PASD1: variants seen among roughly 807,000 people sequenced by gnomAD.
PASD1 encodes PAS domain containing repressor 1, also known as circadian clock protein PASD1.
In PASD1, 13 loss-of-function variants were observed where a neutral mutation model predicts 58.8. The observed-to-expected ratio is 0.22, with a 90% CI of 0.14 to 0.35. The LOEUF (loss-of-function observed/expected upper bound fraction) is 0.35. Ranked by LOEUF, PASD1 falls within the 10% of genes least tolerant of loss-of-function variation. PASD1 has a pLI of 1.00. For missense variants in PASD1, 734 were observed against 568.3 expected, an observed-to-expected ratio of 1.29 and a Z score of -2.96; for synonymous variants, 236 against 216.7, an observed-to-expected ratio of 1.09 and a Z score of -0.78.
intron 8 of PASD1, among the ~76,000 whole-genome samples, chrX:151,631,372 G>A (rs1359422496): frequency 2.7e-5 from 3 of 111,329 alleles, no homozygotes; most frequent in Non-Finnish European, 5.7e-5. Context: ...AGCTGTGGCC[G>A]GTATGTGATT....
At chrX:151,580,837 A>G (rs1304099085) in intron 1 of PASD1, among the ~76,000 whole-genome samples, 1 of 111,034 alleles carries the variant, frequency 9.0e-6, no homozygotes, top group Admixed American at 9.7e-5. Flanking sequence ...TTATTCTTTA[A>G]TGTCTTTCAC....
intron 9 of PASD1, among the ~76,000 whole-genome samples, chrX:151,657,262 G>A (rs878966264): frequency 8.9e-6 from 1 of 111,947 alleles, no homozygotes; most frequent in Non-Finnish European, 1.9e-5. Context: ...CTGTTTGCCA[G>A]TATTTTATTG....
chrX:151,650,566 A>G (rs1231868404), intron 9 of PASD1, among the ~76,000 whole-genome samples: 2 of 111,564 alleles, frequency 1.8e-5, no homozygotes, highest in Non-Finnish European at 1.9e-5. Flanking sequence ...ATTTTTTTCA[A>G]CAGTCACATT....
At position 151,604,706 on chromosome X, in the gene PASD1, A is replaced by G. The variant is rs372329873; in HGVS notation, c.89A>G (p.Tyr30Cys). Residue 30 changes from tyrosine to cysteine, a missense_variant, in exon 3 of 16, where the codon TAT becomes TGT. Transcript: ENST00000370357. The stretch of plus-strand genomic sequence containing the variant: ...AACTGGATTCCATCATTTCCTACCT[A>G]TGATTACTTCAACCAAGTGACGCTA... ...KLNWIPSFPT[Y>C]DYFNQVTLQL... is the part of the protein sequence containing the mutation. The G allele has an allele frequency of 7.5e-6, 9 of 1,206,856 alleles. No individual in the cohort carries two copies. In the African/African-American group the frequency reaches 8.7e-5, roughly 12 times the overall value.
chrX:151,636,221 C>T (rs760907725), intron 8 of PASD1, among the ~76,000 whole-genome samples: 4 of 111,073 alleles, frequency 3.6e-5, no homozygotes, highest in African/African-American at 9.8e-5. Flanking sequence ...ATAAGTTGTA[C>T]GTATCAGTAG....
In PASD1 at chrX:151,676,130, A is replaced by G; in HGVS notation, c.2309A>G (p.Asn770Ser). 1 of 1,209,354 alleles carries G rather than the reference A, an allele frequency of 8.3e-7. No individual in the cohort carries two copies. The highest frequency in any genetic ancestry group is 1.1e-6 in the Non-Finnish European group (1 of 894,642). The change falls in exon 16 of 16, where the codon AAT (asparagine) becomes AGT (serine). Residue 770 changes from asparagine (N) to serine (S), a missense_variant. Asn to Ser is a conservative substitution (Grantham distance 46). Coordinates refer to ENST00000370357, the MANE Select transcript of PASD1 (RefSeq NM_173493.3). ...RLMPAEQRDS[N>S]KPC ...ATGCCTGCAGAGCAACGTGACTCAA[A>G]TAAGCCGTGCTAACAGTACTTTCAT...
intron 9 of PASD1, among the ~76,000 whole-genome samples, chrX:151,652,543 A>C (rs1478328046): frequency 2.8e-5 from 3 of 105,630 alleles, no homozygotes; most frequent in Admixed American, 1.0e-4. Context: ...AAAAAAAAAA[A>C]AAACAAAAAA....
intron 8 of PASD1, among the ~76,000 whole-genome samples, chrX:151,637,458 C>A (rs2013944876): frequency 9.0e-6 from 1 of 111,428 alleles, no homozygotes; most frequent in East Asian, 2.8e-4. Context: ...CTCACTGCAA[C>A]CTGTGCCTCC....
chrX:151,626,743 A>G (rs962852004), intron 8 of PASD1, among the ~76,000 whole-genome samples: 13 of 112,368 alleles, frequency 1.2e-4, no homozygotes, highest in African/African-American at 3.9e-4. Flanking sequence ...GATCAAAGGC[A>G]TGCTTGCATG....
intron 1 of PASD1, among the ~76,000 whole-genome samples, chrX:151,580,371 A>G (rs2013067233): frequency 8.9e-6 from 1 of 111,892 alleles, no homozygotes; most frequent in African/African-American, 3.2e-5. Context: ...GATGTGTGTT[A>G]TCTTTAGTTC....
At chrX:151,609,803 G>A (rs61511499) in intron 3 of PASD1, among the ~76,000 whole-genome samples, 75 of 41,696 alleles carry the variant, frequency 1.8e-3, no homozygotes, top group African/African-American at 5.2e-3. Context: ...CTTTCAGGGT[G>A]TTTTTTTTTT....
chrX:151,601,642 G>T, intron 2 of PASD1, 61 bp downstream of exon 2: 1 of 1,098,417 alleles, frequency 9.1e-7, no homozygotes, highest in Non-Finnish European at 1.2e-6. Context: ...CTGTGTTCCC[G>T]TTTCACATCT....
At chrX:151,588,878 C>G (rs1291670393) in intron 1 of PASD1, among the ~76,000 whole-genome samples, 1 of 111,996 alleles carries the variant, frequency 8.9e-6, no homozygotes, top group East Asian at 2.8e-4. Flanking sequence ...TTGCATTACT[C>G]TTTCTCTGGG....
At chrX:151,627,778 A>G (rs1318855268) in intron 8 of PASD1, among the ~76,000 whole-genome samples, 1 of 112,006 alleles carries the variant, frequency 8.9e-6, no homozygotes, top group East Asian at 2.8e-4. Flanking sequence ...AGGAATTGCC[A>G]CACTGTCTTC....
At chrX:151,665,286 T>G (rs934996063) in intron 11 of PASD1, among the ~76,000 whole-genome samples, 2 of 112,605 alleles carry the variant, frequency 1.8e-5, no homozygotes, top group Non-Finnish European at 3.7e-5. Context: ...CTGATTTATG[T>G]CCTTATCATG....
intron 1 of PASD1, among the ~76,000 whole-genome samples, chrX:151,573,024 G>A (rs1483867252): frequency 2.8e-5 from 2 of 70,509 alleles, no homozygotes; most frequent in Non-Finnish European, 5.3e-5. Context: ...GGGTGGTGAC[G>A]GGGGGTGGGG....
chrX:151,641,944 C>T (rs1312042469), intron 8 of PASD1, among the ~76,000 whole-genome samples: 3 of 112,250 alleles, frequency 2.7e-5, no homozygotes, highest in African/African-American at 9.7e-5. Context: ...TAGCACACTC[C>T]TTCCATTCAG....
At chrX:151,663,595 G>A (rs1462784390) in intron 10 of PASD1, among the ~76,000 whole-genome samples, 1 of 112,093 alleles carries the variant, frequency 8.9e-6, no homozygotes, top group Non-Finnish European at 1.9e-5. Flanking sequence ...GGAAGTATGT[G>A]TTTAACTTTA....
At chrX:151,627,162 C>G (rs1312762598) in intron 8 of PASD1, among the ~76,000 whole-genome samples, 1 of 110,393 alleles carries the variant, frequency 9.1e-6, no homozygotes, top group African/African-American at 3.3e-5. Context: ...TTTATGGAAT[C>G]TAATTTTTAT....
Sources: allele counts gnomAD v4.1 joint callset (sites outside exome capture counted in the v4.1 genomes callset), GRCh38; gene constraint gnomAD v4.1.1; transcripts MANE v1.5; gene names NCBI Gene and HGNC (gene_info 2026-07-23, HGNC 2026-07-21).